Variants in TCERG1L observed in about 807,000 individuals in gnomAD.
TCERG1L encodes transcription elongation regulator 1-like protein.
Under a neutral mutation model 56.3 loss-of-function variants are expected in TCERG1L, and 37 were observed. The observed-to-expected ratio is 0.66, with a 90% CI of 0.51 to 0.87. The LOEUF is 0.87. Ranked by LOEUF, TCERG1L falls within the 40% of genes least tolerant of loss-of-function variation. The pLI is 0.00. For synonymous variants in TCERG1L, 324 were observed against 326.3 expected, an observed-to-expected ratio of 0.99 and a Z score of 0.08; for missense variants, 799 against 774.2, an observed-to-expected ratio of 1.03 and a Z score of -0.38.
chr10:131,273,677 G>A (rs1056834370), intron 3 of TCERG1L, among the ~76,000 whole-genome samples: 5 of 152,250 alleles, frequency 3.3e-5, no homozygotes, highest in East Asian at 1.9e-4. Context: ...CAGAGGAGAC[G>A]CTGCCCACAC....
intron 3 of TCERG1L, among the ~76,000 whole-genome samples, chr10:131,280,413 G>A (rs1846438431): frequency 6.6e-6 from 1 of 151,032 alleles, no homozygotes; most frequent in African/African-American, 2.4e-5. Flanking sequence ...ACAACCCAAA[G>A]CCAAGTTGGG....
chr10:131,266,765 A>C (rs765003286), intron 3 of TCERG1L, among the ~76,000 whole-genome samples: 9 of 152,014 alleles, frequency 5.9e-5, no homozygotes, highest in Non-Finnish European at 1.0e-4. Flanking sequence ...AGCAGAGAGG[A>C]GGCCTTGGAG....
intron 3 of TCERG1L, among the ~76,000 whole-genome samples, chr10:131,287,866 G>A (rs59295877): frequency 0.029 from 4,420 of 152,310 alleles, 217 homozygotes; most frequent in African/African-American, 0.098. Flanking sequence ...GGCAGCTGGC[G>A]AGTGACAGGC....
intron 8 of TCERG1L, among the ~76,000 whole-genome samples, chr10:131,134,019 C>T (rs947793031): frequency 3.9e-5 from 6 of 152,182 alleles, no homozygotes; most frequent in Non-Finnish European, 7.3e-5. Flanking sequence ...CAAGCCAGGG[C>T]TGCCTGACCC....
chr10:131,145,626 C>T (rs1320783049), intron 7 of TCERG1L, among the ~76,000 whole-genome samples: 3 of 152,216 alleles, frequency 2.0e-5, no homozygotes, highest in Admixed American at 6.5e-5. Context: ...CTGGATTTGA[C>T]ACAAAGTGTG....
intron 4 of TCERG1L, among the ~76,000 whole-genome samples, chr10:131,189,714 G>A (rs1307461254): frequency 1.3e-5 from 2 of 152,082 alleles, no homozygotes; most frequent in African/African-American, 4.8e-5. Context: ...ATTACTGGAT[G>A]GCATGATAGT....
intron 10 of TCERG1L, among the ~76,000 whole-genome samples, chr10:131,099,778 A>G (rs116215133): frequency 0.036 from 5,533 of 152,328 alleles, 134 homozygotes; most frequent in African/African-American, 0.075. Flanking sequence ...AAGATACAGC[A>G]GCGAAATGAA....
rs145021574 is a variant in TCERG1L at position 131,237,903 on chromosome 10, T to C, written c.856+22356A>G. Among the ~76,000 whole-genome samples, 986 of 152,342 alleles carry C rather than the reference T, an allele frequency of 6.5e-3. 19 individuals are homozygous for C. The highest frequency in any genetic ancestry group is 0.042 in the Admixed American group (638 of 15,296). On this transcript the variant is annotated intron_variant, in intron 4 of 11. Coordinates refer to ENST00000368642, the MANE Select transcript of TCERG1L (RefSeq NM_174937.4). ...GGGCGTATGCTCATTACTTGTGTGC[T>C]CCTTGCTTCGGCGTTTCACTGATTT...
intron 4 of TCERG1L, among the ~76,000 whole-genome samples, chr10:131,169,037 T>C (rs1846062677): frequency 6.6e-6 from 1 of 152,196 alleles, no homozygotes; most frequent in Admixed American, 6.5e-5. Flanking sequence ...TATTTTACTG[T>C]CACTCAGGAA....
chr10:131,296,254 C>T (rs1022938017), intron 3 of TCERG1L, among the ~76,000 whole-genome samples: 7 of 152,108 alleles, frequency 4.6e-5, no homozygotes, highest in Non-Finnish European at 8.8e-5. Context: ...TTTCACGACT[C>T]GATCAACCAT....
intron 9 of TCERG1L, among the ~76,000 whole-genome samples, chr10:131,107,956 TACACACACACAC>T (rs59364659): frequency 5.5e-5 from 8 of 146,766 alleles, no homozygotes; most frequent in African/African-American, 1.5e-4. Context: ...CATGTGTGCC[TACACACACACAC>T]ACACACACAC....
chr10:131,173,539 G>A (rs913399518), intron 4 of TCERG1L, among the ~76,000 whole-genome samples: 3 of 152,234 alleles, frequency 2.0e-5, no homozygotes, highest in African/African-American at 7.2e-5. Flanking sequence ...GAGAACCAAA[G>A]TATCTAAGGG....
At chr10:131,217,539 C>G (rs1177410515) in intron 4 of TCERG1L, among the ~76,000 whole-genome samples, 1 of 152,080 alleles carries the variant, frequency 6.6e-6, no homozygotes, top group Non-Finnish European at 1.5e-5. Context: ...TGGTCAGCAA[C>G]AGGGCAGTCC....
In TCERG1L at chr10:131,228,111, G is replaced by C. The variant is rs141746675; in HGVS notation, c.856+32148C>G. Among the ~76,000 whole-genome samples the C allele has an allele frequency of 8.5e-3, 1,276 of 149,618 alleles. 27 individuals are homozygous for C. The highest frequency in any genetic ancestry group is 0.071 in the East Asian group (349 of 4,900). The stretch of plus-strand genomic sequence containing the variant: ...GCCCCTGACAGACATTTCCTCAAGG[G>C]CTCCGGAGTCTCCACTCCAGACAGG... On this transcript the variant is annotated intron_variant, in intron 4 of 11. Coordinates refer to ENST00000368642, the MANE Select transcript of TCERG1L (RefSeq NM_174937.4).
At chr10:131,214,975 T>C (rs79175532) in intron 4 of TCERG1L, among the ~76,000 whole-genome samples, 1 of 152,204 alleles carries the variant, frequency 6.6e-6, no homozygotes, top group African/African-American at 2.4e-5. Flanking sequence ...GGGGGCCCTG[T>C]TTCTGCCCTC....
intron 4 of TCERG1L, among the ~76,000 whole-genome samples, chr10:131,197,342 C>T (rs1016599262): frequency 6.6e-6 from 1 of 152,028 alleles, no homozygotes; most frequent in South Asian, 2.1e-4. Context: ...CCACCATGCC[C>T]GGCTAATTAT....
At chr10:131,127,446 C>T (rs530029887) in intron 8 of TCERG1L, among the ~76,000 whole-genome samples, 14 of 152,196 alleles carry the variant, frequency 9.2e-5, no homozygotes, top group South Asian at 4.1e-4. Flanking sequence ...CAGAGGCAGA[C>T]GTGAGCAGAA....
intron 5 of TCERG1L, among the ~76,000 whole-genome samples, chr10:131,164,955 G>A (rs943517951): frequency 9.2e-5 from 14 of 152,220 alleles, no homozygotes; most frequent in South Asian, 6.2e-4. Flanking sequence ...TGAGGGCTGC[G>A]CTGGGCCAGG....
At chr10:131,220,959 GGT>G (rs1388284005) in intron 4 of TCERG1L, among the ~76,000 whole-genome samples, 2 of 152,186 alleles carry the variant, frequency 1.3e-5, no homozygotes, top group African/African-American at 4.8e-5. Flanking sequence ...CCTGCGGTGT[GGT>G]CACTGAGGCA....
Sources: gnomAD v4.1 joint callset for allele counts (sites outside exome capture counted in the v4.1 genomes callset) on GRCh38, gnomAD v4.1.1 for gene constraint, MANE v1.5 for transcripts, NCBI Gene and HGNC (gene_info 2026-07-23, HGNC 2026-07-21) for gene names.